Variants in LIPC observed in about 807,000 individuals in gnomAD.
LIPC encodes hepatic triacylglycerol lipase.
Under a neutral mutation model 50.7 loss-of-function variants are expected in LIPC, and 44 were observed. That is an observed-to-expected ratio of 0.87 (90% CI 0.68 to 1.11). The LOEUF (loss-of-function observed/expected upper bound fraction) is 1.11, where lower values mean the gene tolerates loss of function less well. Among genes scored for constraint, LIPC ranks in the 50% most tolerant of loss-of-function variants. The probability of loss-of-function intolerance (pLI) is 0.00; values close to 1 mark genes in which losing one functional copy is unlikely to be tolerated. For missense variants in LIPC, 697 were observed against 648.2 expected (o/e 1.08, Z -0.82); for synonymous variants, 271 against 256.4 (o/e 1.06, Z -0.54).
chr15:58,527,675 C>A (rs1892834287), intron 1 of LIPC, among the ~76,000 whole-genome samples: 1 of 152,178 alleles, frequency 6.6e-6, no homozygotes, highest in Admixed American at 6.5e-5. Context: ...ACCATAAGAC[C>A]ATGAGCTTTT....
At chr15:58,455,792 T>A (rs1205139124) in intron 1 of LIPC, among the ~76,000 whole-genome samples, 3 of 152,152 alleles carry the variant, frequency 2.0e-5, no homozygotes, top group African/African-American at 7.2e-5. Flanking sequence ...GTATAATACC[T>A]TGATAGCAAT....
intron 1 of LIPC, among the ~76,000 whole-genome samples, chr15:58,453,741 G>T (rs1894001366): frequency 6.6e-6 from 1 of 151,358 alleles, no homozygotes; most frequent in Non-Finnish European, 1.5e-5. Flanking sequence ...ACTACTAAAA[G>T]TAAAAAAAAA....
intron 2 of LIPC, 152 bp downstream of exon 2, chr15:58,538,669 C>T: frequency 1.3e-6 from 1 of 753,604 alleles, no homozygotes; most frequent in South Asian, 1.5e-5. Context: ...CAAGTGCTTC[C>T]CCACGCATTA....
At chr15:58,508,595 T>C (rs1231679072) in intron 1 of LIPC, among the ~76,000 whole-genome samples, 1 of 152,194 alleles carries the variant, frequency 6.6e-6, no homozygotes, top group African/African-American at 2.4e-5. Context: ...AATTAGTTAA[T>C]ATGGGAACAT....
intron 1 of LIPC, among the ~76,000 whole-genome samples, chr15:58,537,118 C>G (rs1349102576): frequency 6.6e-6 from 1 of 152,244 alleles, no homozygotes; most frequent in Non-Finnish European, 1.5e-5. Context: ...GGGATGAGAG[C>G]TTCCTCTCCC....
At chr15:58,496,759 A>AAAAAAAAAAAAAAAAAAT (rs1566929349) in intron 1 of LIPC, among the ~76,000 whole-genome samples, 1 of 151,148 alleles carries the variant, frequency 6.6e-6, no homozygotes, top group African/African-American at 2.4e-5. Flanking sequence ...AAAAAAAAAA[A>AAAAAAAAAAAAAAAAAAT]ATTAAGATGG....
intron 1 of LIPC, among the ~76,000 whole-genome samples, chr15:58,466,101 CTGTG>C (rs1484764202): frequency 1.3e-5 from 2 of 152,188 alleles, no homozygotes; most frequent in Admixed American, 6.5e-5. Context: ...GAAGTCCTGT[CTGTG>C]TAATTTATTA....
intron 1 of LIPC, among the ~76,000 whole-genome samples, chr15:58,530,673 C>G (rs1892934714): frequency 6.6e-6 from 1 of 152,230 alleles, no homozygotes; most frequent in Non-Finnish European, 1.5e-5. Context: ...AATCCCCACC[C>G]CATTCCCTGG....
chr15:58,441,092 A>T (rs1457293371), intron 1 of LIPC, among the ~76,000 whole-genome samples: 3 of 152,198 alleles, frequency 2.0e-5, no homozygotes, highest in Non-Finnish European at 4.4e-5. Context: ...TCCCTGATAG[A>T]GAACAAGGTT....
At chr15:58,480,597 T>C (rs1192494637) in intron 1 of LIPC, among the ~76,000 whole-genome samples, 3 of 152,188 alleles carry the variant, frequency 2.0e-5, no homozygotes, top group African/African-American at 7.2e-5. Flanking sequence ...GTGCCCGGCC[T>C]ATAAGTTTCA....
intron 1 of LIPC, among the ~76,000 whole-genome samples, chr15:58,536,601 C>G (rs1466748969): frequency 1.3e-5 from 2 of 152,156 alleles, no homozygotes; most frequent in Non-Finnish European, 2.9e-5. Flanking sequence ...CGGCTTCTGA[C>G]TTAGACAGGA....
At chr15:58,529,306 C>T (rs1458165287) in intron 1 of LIPC, among the ~76,000 whole-genome samples, 1 of 152,154 alleles carries the variant, frequency 6.6e-6, no homozygotes, top group African/African-American at 2.4e-5. Context: ...CTGGCCTAAC[C>T]GTGGTCAGAT....
At chr15:58,508,109 AG>A (rs1892213722) in intron 1 of LIPC, among the ~76,000 whole-genome samples, 1 of 152,168 alleles carries the variant, frequency 6.6e-6, no homozygotes, top group Non-Finnish European at 1.5e-5. Context: ...ATGAAAACTC[AG>A]GGAGGAGACT....
At chr15:58,546,087 G>T in intron 5 of LIPC, 112 bp downstream of exon 5, 1 of 946,980 alleles carries the variant, frequency 1.1e-6, no homozygotes. Flanking sequence ...GCAAGGATAG[G>T]GGCCCAGGGT....
intron 6 of LIPC, among the ~76,000 whole-genome samples, chr15:58,550,354 G>C (rs989545350): frequency 1.3e-5 from 2 of 152,194 alleles, no homozygotes; most frequent in African/African-American, 4.8e-5. Context: ...TGGGGACTTG[G>C]AGATTGGGAA....
chr15:58,557,957 A>G (rs1398297941), intron 6 of LIPC, among the ~76,000 whole-genome samples: 6 of 152,066 alleles, frequency 3.9e-5, no homozygotes, highest in African/African-American at 1.4e-4. Context: ...CAAACCCCCA[A>G]ATAGTGTAAG....
At chr15:58,508,367 GA>G (rs1892225877) in intron 1 of LIPC, among the ~76,000 whole-genome samples, 1 of 152,038 alleles carries the variant, frequency 6.6e-6, no homozygotes, top group Non-Finnish European at 1.5e-5. Flanking sequence ...AAATTAAGCC[GA>G]TCATCCCCAA....
chr15:58,555,640 C>T (rs894870738), intron 6 of LIPC, among the ~76,000 whole-genome samples: 1 of 152,210 alleles, frequency 6.6e-6, no homozygotes, highest in East Asian at 1.9e-4. Flanking sequence ...GAAAACAGGA[C>T]TCCACTGGCC....
chr15:58,529,288 G>A (rs1892878745), intron 1 of LIPC, among the ~76,000 whole-genome samples: 1 of 152,210 alleles, frequency 6.6e-6, no homozygotes, highest in African/African-American at 2.4e-5. Flanking sequence ...AGCTCCTGGG[G>A]AGCCTCCCTG....
Sources: gnomAD v4.1 joint callset for allele counts (sites outside exome capture counted in the v4.1 genomes callset) on GRCh38, gnomAD v4.1.1 for gene constraint, MANE v1.5 for transcripts, NCBI Gene and HGNC (gene_info 2026-07-23, HGNC 2026-07-21) for gene names.